TANC2: variants seen among roughly 807,000 people sequenced by gnomAD.
The protein encoded by TANC2 is tetratricopeptide repeat, ankyrin repeat and coiled-coil containing 2, also known as protein TANC2.
Under a neutral mutation model 210.5 loss-of-function variants are expected in TANC2, and 26 were observed. The ratio of observed to expected loss-of-function variants is 0.12; its 90% CI spans 0.09 to 0.17. The LOEUF is 0.17. TANC2 is among the 10% of genes least tolerant of loss of function. The pLI, the probability that TANC2 is intolerant of heterozygous loss-of-function variation, is 1.00. For missense variants in TANC2, 2,129 were observed against 2,608.9 expected, an observed-to-expected ratio of 0.82 and a Z score of 4.01; for synonymous variants, 931 against 967.1, an observed-to-expected ratio of 0.96 and a Z score of 0.69.
chr17:63,422,165 C>A, exon 28 of TANC2: 1 of 554,306 alleles, frequency 1.8e-6, no homozygotes, highest in Non-Finnish European at 3.1e-6. Flanking sequence ...TGTCTGTGCC[C>A]AGCCACATGC....
intron 3 of TANC2, among the ~76,000 whole-genome samples, chr17:63,084,365 T>TTC (rs767589312): frequency 6.6e-6 from 1 of 151,782 alleles, no homozygotes; most frequent in Admixed American, 6.6e-5. Context: ...TTGTGTCTCT[T>TTC]TCTCTCTCTC....
At chr17:62,986,766 T>C (rs1314885807) in intron 1 of TANC2, among the ~76,000 whole-genome samples, 2 of 152,006 alleles carry the variant, frequency 1.3e-5, no homozygotes, top group Non-Finnish European at 2.9e-5. Context: ...GGGCAGCCTG[T>C]GGGGCTGCTT....
intron 7 of TANC2, among the ~76,000 whole-genome samples, chr17:63,221,211 G>A (rs554758806): frequency 1.4e-3 from 209 of 152,034 alleles, no homozygotes; most frequent in Non-Finnish European, 2.4e-3. Flanking sequence ...GCCGAGGCAG[G>A]CAGGAGGTCA....
intron 7 of TANC2, among the ~76,000 whole-genome samples, chr17:63,216,260 G>T (rs1350462390): frequency 6.6e-6 from 1 of 151,592 alleles, no homozygotes; most frequent in African/African-American, 2.4e-5. Context: ...TGTTGGCCAG[G>T]CTGGTCTGGA....
At chr17:63,276,655 A>G (rs961503404) in intron 9 of TANC2, among the ~76,000 whole-genome samples, 2 of 152,050 alleles carry the variant, frequency 1.3e-5, no homozygotes, top group Non-Finnish European at 2.9e-5. Flanking sequence ...TCAAAGTAAG[A>G]TTTTTTTCAG....
chr17:63,098,480 ATACACTCTCTCT>A lies in TANC2; in HGVS notation c.140-694_140-683del, dbSNP rs1263231336. Among the ~76,000 whole-genome samples the A allele has an allele frequency of 2.4e-3, 61 of 25,784 alleles. 5 individuals are homozygous for A. Among genetic ancestry groups the A allele is most frequent in the African/African-American group, 0.012 (58 of 4,866 alleles). 16.9% of individuals were successfully genotyped at this position (25,784 alleles called of 152,430 possible). ...CACACACACACACACACACACACAC[ATACACTCTCTCT>A]CTCTCTCTCTCTCTCTCTGTGTGTA... is the stretch of plus-strand genomic sequence containing the variant. On this transcript the variant is annotated intron_variant, in intron 3 of 27. Coordinates refer to ENST00000689528, the Ensembl canonical transcript of TANC2.
chr17:63,030,916 A>G (rs1356730740), intron 2 of TANC2, among the ~76,000 whole-genome samples: 1 of 152,134 alleles, frequency 6.6e-6, no homozygotes, highest in Non-Finnish European at 1.5e-5. Flanking sequence ...TAGGAAAGAC[A>G]AGACCACCTT....
chr17:63,016,603 T>C (rs1327302178), intron 2 of TANC2, among the ~76,000 whole-genome samples: 7 of 152,218 alleles, frequency 4.6e-5, no homozygotes, highest in Admixed American at 4.6e-4. Context: ...CTGGGTCATA[T>C]GGTAATTTTA....
chr17:63,163,948 A>G (rs896353699), intron 5 of TANC2, among the ~76,000 whole-genome samples: 10 of 152,202 alleles, frequency 6.6e-5, no homozygotes, highest in South Asian at 2.1e-4. Flanking sequence ...GACTGGCTAC[A>G]TATTGATGAG....
intron 9 of TANC2, among the ~76,000 whole-genome samples, chr17:63,290,144 T>G (rs899794836): frequency 4.7e-5 from 7 of 149,292 alleles, no homozygotes; most frequent in African/African-American, 1.7e-4. Flanking sequence ...TTCCCCTTCT[T>G]CTGCTAGAAG....
At chr17:63,310,788 C>G (rs556411717) in intron 9 of TANC2, among the ~76,000 whole-genome samples, 46 of 152,284 alleles carry the variant, frequency 3.0e-4, no homozygotes, top group Non-Finnish European at 3.2e-4. Flanking sequence ...AATAATAATA[C>G]TACCCCGTGA....
At chr17:63,067,080 A>G (rs1408055905) in intron 2 of TANC2, among the ~76,000 whole-genome samples, 1 of 152,216 alleles carries the variant, frequency 6.6e-6, no homozygotes, top group Non-Finnish European at 1.5e-5. Flanking sequence ...TCAATAGCAA[A>G]GGCTTTGAAA....
chr17:63,055,677 G>T (rs1427522600), intron 2 of TANC2, among the ~76,000 whole-genome samples: 2 of 149,598 alleles, frequency 1.3e-5, no homozygotes, highest in Non-Finnish European at 1.5e-5. Flanking sequence ...ACAACTGAAG[G>T]CCTTCTGTTT....
At chr17:63,032,859 C>T (rs898087263) in intron 2 of TANC2, among the ~76,000 whole-genome samples, 2 of 152,110 alleles carry the variant, frequency 1.3e-5, no homozygotes, top group African/African-American at 2.4e-5. Flanking sequence ...GAGGACTAGT[C>T]CCACAAGACG....
At chr17:63,262,416 C>T (rs994906555) in intron 8 of TANC2, among the ~76,000 whole-genome samples, 7 of 152,188 alleles carry the variant, frequency 4.6e-5, no homozygotes, top group African/African-American at 1.7e-4. Flanking sequence ...CTTAAAAGTC[C>T]TGACCTCAAG....
At chr17:63,235,292 G>A (rs974252442) in intron 7 of TANC2, among the ~76,000 whole-genome samples, 7 of 152,046 alleles carry the variant, frequency 4.6e-5, no homozygotes, top group Non-Finnish European at 1.0e-4. Context: ...TTTGTTAGCT[G>A]TCTTTCCAAA....
At chr17:63,389,521 C>G (rs1599008815) in exon 17 of TANC2, 2 of 1,610,464 alleles carry the variant, frequency 1.2e-6, no homozygotes, top group African/African-American at 2.7e-5. Flanking sequence ...CATTGTGGTG[C>G]TGCTGTGCAA....
intron 14 of TANC2, 122 bp downstream of exon 14, chr17:63,355,512 G>A: frequency 8.7e-7 from 1 of 1,144,962 alleles, no homozygotes; most frequent in Non-Finnish European, 1.2e-6. Context: ...CATCATCTGT[G>A]TTTCTTCTCA....
chr17:63,307,610 A>G (rs2044965091), intron 9 of TANC2, among the ~76,000 whole-genome samples: 1 of 152,204 alleles, frequency 6.6e-6, no homozygotes, highest in Admixed American at 6.5e-5. Flanking sequence ...CAGGGCTTGT[A>G]TGAGTATAGA....
Sources: allele counts gnomAD v4.1 joint callset (sites outside exome capture counted in the v4.1 genomes callset), GRCh38; gene constraint gnomAD v4.1.1; transcripts MANE v1.5; gene names NCBI Gene and HGNC (gene_info 2026-07-23, HGNC 2026-07-21).